The following ALDH1L2 variants were observed in gnomAD, a reference collection of about 807,000 sequenced individuals.
ALDH1L2 encodes mitochondrial 10-formyltetrahydrofolate dehydrogenase.
In ALDH1L2, 91 loss-of-function variants were observed where a neutral mutation model predicts 111.0. The ratio of observed to expected loss-of-function variants is 0.82; its 90% CI spans 0.69 to 0.98. ALDH1L2 has a LOEUF of 0.98. ALDH1L2 is among the 50% of genes least tolerant of loss of function. The probability of loss-of-function intolerance (pLI) is 0.00; values close to 1 mark genes in which losing one functional copy is unlikely to be tolerated. For synonymous variants in ALDH1L2, 374 were observed against 392.6 expected (o/e 0.95, Z 0.56); for missense variants, 995 against 1,126.8 (o/e 0.88, Z 1.67).
At chr12:105,024,598 A>G in intron 22 of ALDH1L2, 119 bp from the exon 23 acceptor site, 1 of 953,040 alleles carries the variant, frequency 1.0e-6, no homozygotes, top group East Asian at 2.5e-5. Flanking sequence ...AATGTGGCCT[A>G]AGCCAGTGCT....
intron 15 of ALDH1L2, among the ~76,000 whole-genome samples, chr12:105,046,177 C>CTT (rs1875848696): frequency 3.9e-5 from 1 of 25,886 alleles, no homozygotes; most frequent in Non-Finnish European, 7.0e-5. Flanking sequence ...CTCTCTCTCT[C>CTT]TCTCTCTCTC....
rs1342446472 is a variant in ALDH1L2, at chr12:105,052,853, C to T, written c.1366G>A (p.Asp456Asn). The change falls in exon 11 of 23, where the codon GAT (aspartate) becomes AAT (asparagine). Residue 456 changes from aspartate to asparagine, a missense_variant. Coordinates refer to ENST00000258494, the MANE Select transcript of ALDH1L2 (RefSeq NM_001034173.4). ...TTGATAGTGTCGTAAGTCTTTCCAT[C>T]GTCTGCATCTGTGAACTGTCCATTT... ...FINGQFTDAD[D>N]GKTYDTINPT... 9 of 1,614,134 alleles carry T rather than the reference C, an allele frequency of 5.6e-6. No homozygotes were observed. Among genetic ancestry groups the T allele is most frequent in the Admixed American group, 1.7e-5 (1 of 60,020 alleles).
At chr12:105,036,512 T>TA (rs1875122347) in intron 18 of ALDH1L2, among the ~76,000 whole-genome samples, 2 of 56,082 alleles carry the variant, frequency 3.6e-5, no homozygotes, top group African/African-American at 6.0e-5. Flanking sequence ...TATATATATA[T>TA]TTTATATATA....
intron 19 of ALDH1L2, among the ~76,000 whole-genome samples, chr12:105,033,673 A>G (rs769953723): frequency 1.3e-5 from 2 of 151,958 alleles, no homozygotes; most frequent in Non-Finnish European, 2.9e-5. Flanking sequence ...TCATCTTAAC[A>G]CTCCTATAGA....
rs1226110689 is a variant in ALDH1L2 at position 105,020,033 on chromosome 12, G to GT, written c.*4390dup. The GT allele has an allele frequency of 6.6e-6, 1 of 152,076 alleles. No homozygotes were observed. The highest frequency in any genetic ancestry group is 2.4e-5 in the African/African-American group (1 of 41,408). The allele number at this position is 152,076 out of a possible 1,614,324, so 9.4% of individuals were successfully genotyped here. ...AGTCTTACTTTCCTATTTTATAAAT[G>GT]TTTTTTACATCATTGGGTATTTAAT... is the stretch of plus-strand genomic sequence containing the variant. On this transcript the variant is annotated 3_prime_UTR_variant, in exon 23 of 23. Transcript: ENST00000258494.
intron 2 of ALDH1L2, 29 bp from the exon 3 acceptor site, chr12:105,070,833 T>C: frequency 6.4e-7 from 1 of 1,559,848 alleles, no homozygotes; most frequent in Admixed American, 1.9e-5. Context: ...ATTTTTTTTT[T>C]AGAAGTTAGC....
At chr12:105,061,802 C>A (rs756732314) in intron 7 of ALDH1L2, 50 bp from the exon 8 acceptor site, 1 of 1,609,480 alleles carries the variant, frequency 6.2e-7, no homozygotes, top group Non-Finnish European at 8.5e-7. Flanking sequence ...TGAGACAATA[C>A]AAAAGTGAGG....
intron 15 of ALDH1L2, among the ~76,000 whole-genome samples, chr12:105,046,221 ATTTTTTTTTTTTTTTT>A (rs869078154): frequency 1.7e-3 from 37 of 21,756 alleles, no homozygotes; most frequent in African/African-American, 7.0e-3. Context: ...ATATATATAT[ATTTTTTTTTTTTTTTT>A]TTTTTTTTTT....
intron 19 of ALDH1L2, among the ~76,000 whole-genome samples, chr12:105,033,276 C>G (rs994176664): frequency 6.6e-6 from 1 of 152,176 alleles, no homozygotes; most frequent in African/African-American, 2.4e-5. Flanking sequence ...GTAAAACATG[C>G]TTGTTGATGT....
chr12:105,050,952 A>G (rs1473551926), intron 12 of ALDH1L2, among the ~76,000 whole-genome samples: 1 of 152,150 alleles, frequency 6.6e-6, no homozygotes, highest in Non-Finnish European at 1.5e-5. Context: ...GCCAAATCAT[A>G]TCATTGCTCT....
intron 10 of ALDH1L2, among the ~76,000 whole-genome samples, chr12:105,053,862 T>C (rs1876448934): frequency 6.6e-6 from 1 of 151,324 alleles, no homozygotes; most frequent in Non-Finnish European, 1.5e-5. Flanking sequence ...ATTATTATTA[T>C]ATAATATTAT....
intron 1 of ALDH1L2, among the ~76,000 whole-genome samples, chr12:105,080,415 G>A (rs1878283606): frequency 1.3e-5 from 2 of 152,186 alleles, no homozygotes; most frequent in East Asian, 1.9e-4. Context: ...TTTAGTTAGT[G>A]TATTATGTAT....
chr12:105,046,746 C>G lies in ALDH1L2; in HGVS notation c.1827G>C (p.Leu609Phe). ...MMLAWKSAACLAAGNTLVLKP... is the reference protein window; with the variant it reads ...MMLAWKSAACFAAGNTLVLKP... Reference sequence around the variant, plus strand: ...TGAGCACTAAGGTATTGCCTGCTGCCAAACACGCAGCACTCTTCCATGCCA... The same window carrying G: ...TGAGCACTAAGGTATTGCCTGCTGCGAAACACGCAGCACTCTTCCATGCCA... The change falls in exon 15 of 23, where the codon TTG (leucine) becomes TTC (phenylalanine). Residue 609 changes from leucine (L) to phenylalanine (F), a missense_variant. Physicochemically the swap from Leu to Phe is conservative, Grantham distance 22. Coordinates refer to ENST00000258494, the MANE Select transcript of ALDH1L2 (RefSeq NM_001034173.4). The G allele has an allele frequency of 6.2e-7, 1 of 1,614,100 alleles. No individual in the cohort carries two copies. The highest frequency in any genetic ancestry group is 1.3e-5 in the African/African-American group (1 of 75,028).
chr12:105,084,299 T>C (rs1878484302), intron 1 of ALDH1L2, 90 bp downstream of exon 1: 2 of 1,400,546 alleles, frequency 1.4e-6, no homozygotes, highest in African/African-American at 3.0e-5. Flanking sequence ...TCGCTGCTCA[T>C]CCCCAGCCCC....
intron 1 of ALDH1L2, among the ~76,000 whole-genome samples, chr12:105,075,224 C>T (rs941326449): frequency 5.3e-5 from 8 of 152,228 alleles, no homozygotes; most frequent in African/African-American, 1.9e-4. Flanking sequence ...ATGTGCCGCT[C>T]GGCTGTCGTC....
At chr12:105,068,667 A>G (rs1877510970) in intron 4 of ALDH1L2, 52 bp downstream of exon 4, 9 of 1,336,858 alleles carry the variant, frequency 6.7e-6, no homozygotes, top group Admixed American at 5.9e-5. Context: ...AAGAAAAAAT[A>G]TTTTCAAAAC....
In ALDH1L2 at chr12:105,044,486, T is replaced by C. The variant is rs538598681; in HGVS notation, c.1863+2224A>G. On this transcript the variant is annotated intron_variant, in intron 15 of 22. Transcript: ENST00000258494. The stretch of plus-strand genomic sequence containing the variant: ...ATTTTAAAAGGAGAACTTTAGGTGA[T>C]TCTAATGTACAGCCAGTGTGGAGCT... 3.3e-5 allele frequency among the ~76,000 whole-genome samples: 5 copies of C among 151,436 alleles called. No homozygotes were observed. In the South Asian group the frequency reaches 1.1e-3, roughly 32 times the overall value.
intron 13 of ALDH1L2, chr12:105,047,668 C>G (rs1315448585): frequency 3.3e-5 from 5 of 152,070 alleles, no homozygotes; most frequent in East Asian, 1.9e-4. Context: ...CAACTTAATC[C>G]TAACGGAATC....
At chr12:105,047,872 A>T (rs1279651747) in intron 13 of ALDH1L2, 1 of 152,224 alleles carries the variant, frequency 6.6e-6, no homozygotes, top group East Asian at 1.9e-4. Flanking sequence ...GGATTTGGGT[A>T]AGCCTCCCAT....
Sources: gnomAD v4.1 joint callset for allele counts (sites outside exome capture counted in the v4.1 genomes callset) on GRCh38, gnomAD v4.1.1 for gene constraint, MANE v1.5 for transcripts, NCBI Gene and HGNC (gene_info 2026-07-23, HGNC 2026-07-21) for gene names.